RNF13: variants seen among roughly 807,000 people sequenced by gnomAD.
RNF13 encodes E3 ubiquitin-protein ligase RNF13.
RNF13 carries 19 observed loss-of-function variants against 37.7 expected under a neutral mutation model. That is an observed-to-expected ratio of 0.50 (90% confidence interval 0.35 to 0.74). The LOEUF (loss-of-function observed/expected upper bound fraction) is 0.74. Among genes scored for constraint, RNF13 ranks in the 30% least tolerant of loss-of-function variants. RNF13 has a pLI of 0.01. For synonymous variants in RNF13, 144 were observed against 157.8 expected (o/e 0.91, Z 0.65); for missense variants, 375 against 453.0 (o/e 0.83, Z 1.56).
intron 8 of RNF13, among the ~76,000 whole-genome samples, chr3:149,921,626 C>T (rs939112673): frequency 2.0e-5 from 3 of 152,292 alleles, no homozygotes; most frequent in Non-Finnish European, 1.5e-5. Flanking sequence ...GCAAAGGACA[C>T]GACCTCATCT....
intron 1 of RNF13, among the ~76,000 whole-genome samples, chr3:149,840,250 G>A (rs998646535): frequency 6.6e-6 from 1 of 152,180 alleles, no homozygotes; most frequent in African/African-American, 2.4e-5. Flanking sequence ...CAAATTAGAT[G>A]TGATCAAAGA....
chr3:149,839,637 T>C (rs1028691830), intron 1 of RNF13, among the ~76,000 whole-genome samples: 13 of 151,670 alleles, frequency 8.6e-5, no homozygotes, highest in African/African-American at 3.1e-4. Flanking sequence ...GGGAAAGACC[T>C]GCCCCCATGA....
chr3:149,892,242 T>C (rs1714787099), intron 4 of RNF13, among the ~76,000 whole-genome samples: 1 of 152,218 alleles, frequency 6.6e-6, no homozygotes, highest in Non-Finnish European at 1.5e-5. Flanking sequence ...TTTTGTAGTG[T>C]ATTTATAGAA....
At chr3:149,934,701 G>T (rs1463261351) in intron 8 of RNF13, among the ~76,000 whole-genome samples, 1 of 151,464 alleles carries the variant, frequency 6.6e-6, no homozygotes, top group East Asian at 1.9e-4. Flanking sequence ...TTGGCTCAAG[G>T]CTGGAGTGCA....
Position 149,860,295 on chromosome 3 carries a change from AT to A in RNF13, c.195+7700del, listed in dbSNP as rs1288625587. 2.6e-4 allele frequency among the ~76,000 whole-genome samples: 37 copies of A among 143,744 alleles called. 1 individual carries two copies. The highest frequency in any genetic ancestry group is 9.1e-4 in the African/African-American group (36 of 39,434). 94.3% of individuals were successfully genotyped at this position (143,744 alleles called of 152,430 possible). On this transcript the variant is annotated intron_variant, in intron 3 of 9. Transcript: ENST00000392894. ...AATATATATATATATATATATATAT[AT>A]ATATAACGTGTATATATAATGTATT...
chr3:149,866,767 ATTTCT>A (rs1017711691), intron 3 of RNF13, among the ~76,000 whole-genome samples: 72 of 152,176 alleles, frequency 4.7e-4, no homozygotes, highest in African/African-American at 1.7e-3. Context: ...GAAATTTTAA[ATTTCT>A]TTTCTTAATT....
At chr3:149,825,134 T>A (rs1374678838) in intron 1 of RNF13, among the ~76,000 whole-genome samples, 1 of 151,816 alleles carries the variant, frequency 6.6e-6, no homozygotes, top group African/African-American at 2.4e-5. Context: ...AATTTTTGTA[T>A]TTTTTGTAGA....
intron 8 of RNF13, among the ~76,000 whole-genome samples, chr3:149,953,295 C>G (rs1408448452): frequency 2.6e-5 from 4 of 152,226 alleles, no homozygotes; most frequent in Non-Finnish European, 5.9e-5. Flanking sequence ...ATGCAATGCT[C>G]TTTCCCTCAG....
intron 6 of RNF13, among the ~76,000 whole-genome samples, chr3:149,909,368 G>C (rs543579080): frequency 2.0e-4 from 30 of 151,368 alleles, no homozygotes; most frequent in African/African-American, 6.3e-4. Context: ...TCCGCCTCCC[G>C]GGTTCAAGCT....
At chr3:149,872,778 AT>A (rs1161497632) in intron 4 of RNF13, among the ~76,000 whole-genome samples, 3 of 152,206 alleles carry the variant, frequency 2.0e-5, no homozygotes, top group African/African-American at 7.2e-5. Flanking sequence ...ATGGGCTATT[AT>A]TTCATGTCAC....
chr3:149,907,188 T>C (rs554787343), intron 6 of RNF13, among the ~76,000 whole-genome samples: 2 of 152,320 alleles, frequency 1.3e-5, no homozygotes, highest in African/African-American at 4.8e-5. Flanking sequence ...AGTTTTTTCA[T>C]ATAAATAGAA....
intron 3 of RNF13, among the ~76,000 whole-genome samples, chr3:149,854,999 G>A (rs564730213): frequency 1.6e-4 from 25 of 152,240 alleles, no homozygotes; most frequent in African/African-American, 5.1e-4. Context: ...TTGGAGCACC[G>A]TGAGTGACAG....
intron 1 of RNF13, among the ~76,000 whole-genome samples, chr3:149,816,629 G>C (rs974659203): frequency 1.3e-5 from 2 of 151,846 alleles, no homozygotes; most frequent in African/African-American, 4.8e-5. Flanking sequence ...AAGGTATAGA[G>C]ATAGGAAAAG....
chr3:149,956,104 A>G (rs1211977421), intron 8 of RNF13, among the ~76,000 whole-genome samples: 1 of 152,154 alleles, frequency 6.6e-6, no homozygotes, highest in African/African-American at 2.4e-5. Context: ...GGATCAAATC[A>G]TATATAGCTA....
rs182197692 is a variant in RNF13, at chr3:149,950,254, G to A, written c.701-9802G>A. ...GGTGGTTGTTTTAAATTCCTGATCC[G>A]ATAATTCCAACATTCCTGCCATATC... On this transcript the variant is annotated intron_variant, in intron 8 of 9. Transcript: ENST00000392894. Among the ~76,000 whole-genome samples the A allele has an allele frequency of 2.0e-4, 29 of 148,310 alleles. 1 individual carries two copies. Among genetic ancestry groups the A allele is most frequent in the Admixed American group, 1.4e-3 (21 of 14,504 alleles).
At chr3:149,839,968 T>G (rs1035899904) in intron 1 of RNF13, among the ~76,000 whole-genome samples, 2 of 152,200 alleles carry the variant, frequency 1.3e-5, no homozygotes, top group African/African-American at 4.8e-5. Flanking sequence ...TTTGTAGAAA[T>G]TGGGGCATTA....
chr3:149,927,806 G>A (rs1718794297), intron 8 of RNF13, among the ~76,000 whole-genome samples: 2 of 151,832 alleles, frequency 1.3e-5, no homozygotes, highest in Admixed American at 1.3e-4. Flanking sequence ...TTTTCAATTG[G>A]GTGGTTTATC....
chr3:149,948,665 T>C (rs1011283801), intron 8 of RNF13, among the ~76,000 whole-genome samples: 6 of 152,196 alleles, frequency 3.9e-5, no homozygotes, highest in Admixed American at 2.6e-4. Flanking sequence ...TTCTATGTTA[T>C]TGATGACTCA....
intron 8 of RNF13, among the ~76,000 whole-genome samples, chr3:149,945,712 G>A (rs1249791613): frequency 6.6e-6 from 1 of 152,174 alleles, no homozygotes; most frequent in Non-Finnish European, 1.5e-5. Context: ...ACCCCTCTGA[G>A]ATGAAGCTTC....
Sources: gnomAD v4.1 joint callset for allele counts (sites outside exome capture counted in the v4.1 genomes callset) on GRCh38, gnomAD v4.1.1 for gene constraint, MANE v1.5 for transcripts, NCBI Gene and HGNC (gene_info 2026-07-23, HGNC 2026-07-21) for gene names.